The following GABRG3 variants were observed in gnomAD, a reference collection of about 807,000 sequenced individuals.
GABRG3 encodes gamma-aminobutyric acid type A receptor subunit gamma3.
GABRG3 carries 25 observed loss-of-function variants against 48.8 expected under a neutral mutation model. That is an observed-to-expected ratio of 0.51 (90% CI 0.37 to 0.72). GABRG3 has a LOEUF of 0.72. Among genes scored for constraint, GABRG3 ranks in the 30% least tolerant of loss-of-function variants. GABRG3 has a pLI of 0.00. For synonymous variants in GABRG3, 227 were observed against 217.6 expected, an observed-to-expected ratio of 1.04 and a Z score of -0.38; for missense variants, 394 against 577.9, an observed-to-expected ratio of 0.68 and a Z score of 3.26.
intron 6 of GABRG3, among the ~76,000 whole-genome samples, chr15:27,509,313 A>C (rs1890841321): frequency 6.6e-6 from 1 of 150,460 alleles, no homozygotes; most frequent in Non-Finnish European, 1.5e-5. Context: ...TGATATATGT[A>C]GTTGGGGGGT....
At chr15:27,186,878 G>T (rs547577243) in intron 3 of GABRG3, among the ~76,000 whole-genome samples, 1 of 152,054 alleles carries the variant, frequency 6.6e-6, no homozygotes, top group Non-Finnish European at 1.5e-5. Context: ...TAGGTTGTCT[G>T]TTTACTCCCT....
At chr15:27,389,361 C>G (rs1457738476) in intron 5 of GABRG3, among the ~76,000 whole-genome samples, 3 of 152,168 alleles carry the variant, frequency 2.0e-5, no homozygotes, top group Non-Finnish European at 4.4e-5. Flanking sequence ...GTGAACATAA[C>G]TTAATATCCA....
At chr15:27,068,623 G>C (rs961193270) in intron 3 of GABRG3, among the ~76,000 whole-genome samples, 1 of 152,216 alleles carries the variant, frequency 6.6e-6, no homozygotes, top group Non-Finnish European at 1.5e-5. Flanking sequence ...AGTCAATGAA[G>C]GGTGAATTCA....
chr15:27,080,866 A>G (rs1365431657), intron 3 of GABRG3, among the ~76,000 whole-genome samples: 2 of 152,128 alleles, frequency 1.3e-5, no homozygotes, highest in African/African-American at 4.8e-5. Context: ...CTGGGAGGCA[A>G]AAGGCCTTGT....
At chr15:27,006,497 G>A (rs887404672) in intron 2 of GABRG3, among the ~76,000 whole-genome samples, 3 of 152,128 alleles carry the variant, frequency 2.0e-5, no homozygotes, top group East Asian at 1.9e-4. Context: ...CACTGTGCCC[G>A]GCCCTCTTCC....
At chr15:27,470,679 C>G (rs564929730) in intron 5 of GABRG3, among the ~76,000 whole-genome samples, 1 of 152,036 alleles carries the variant, frequency 6.6e-6, no homozygotes, top group South Asian at 2.1e-4. Flanking sequence ...AGTCCTTTTC[C>G]TGTTACATAT....
At chr15:27,105,005 T>C (rs1236158577) in intron 3 of GABRG3, among the ~76,000 whole-genome samples, 2 of 152,094 alleles carry the variant, frequency 1.3e-5, no homozygotes, top group African/African-American at 4.8e-5. Flanking sequence ...ATTAAAAAAT[T>C]TCGATGACTC....
At chr15:27,084,300 A>AT (rs1310802948) in intron 3 of GABRG3, among the ~76,000 whole-genome samples, 1 of 151,938 alleles carries the variant, frequency 6.6e-6, no homozygotes, top group African/African-American at 2.4e-5. Flanking sequence ...CCTCTTTTTC[A>AT]TTTTTGCTTC....
intron 5 of GABRG3, among the ~76,000 whole-genome samples, chr15:27,336,426 C>G (rs1370467732): frequency 6.6e-6 from 1 of 151,934 alleles, no homozygotes; most frequent in East Asian, 1.9e-4. Context: ...AAAAGATGTT[C>G]AATGTCATCA....
intron 3 of GABRG3, among the ~76,000 whole-genome samples, chr15:27,117,542 T>C (rs1040939970): frequency 1.3e-5 from 2 of 152,184 alleles, no homozygotes; most frequent in African/African-American, 2.4e-5. Context: ...AAATAAAATA[T>C]GTTTTCATAT....
intron 3 of GABRG3, among the ~76,000 whole-genome samples, chr15:27,251,122 G>C (rs1243302985): frequency 1.3e-5 from 2 of 152,186 alleles, no homozygotes; most frequent in African/African-American, 4.8e-5. Flanking sequence ...TGACTGGGAA[G>C]GTCAACCTTG....
chr15:27,046,707 T>C (rs1432477322), intron 3 of GABRG3, among the ~76,000 whole-genome samples: 2 of 152,204 alleles, frequency 1.3e-5, no homozygotes, highest in East Asian at 3.9e-4. Flanking sequence ...CCCTTTTGGA[T>C]ATGTGAGGTA....
intron 3 of GABRG3, among the ~76,000 whole-genome samples, chr15:27,313,264 A>ATATATATATATATATATATATATATG: frequency 9.0e-5 from 1 of 11,156 alleles, no homozygotes; most frequent in South Asian, 2.9e-3. Context: ...GTGTGTGTGT[A>ATATATATATATATATATATATATATG]TATATATATA....
intron 3 of GABRG3, among the ~76,000 whole-genome samples, chr15:27,174,556 T>A (rs926797850): frequency 6.6e-6 from 1 of 151,310 alleles, no homozygotes; most frequent in African/African-American, 2.4e-5. Context: ...TTATCTCCAG[T>A]GTGGACCAGT....
chr15:27,456,717 T>C (rs1209086458), intron 5 of GABRG3, among the ~76,000 whole-genome samples: 1 of 152,130 alleles, frequency 6.6e-6, no homozygotes, highest in Non-Finnish European at 1.5e-5. Flanking sequence ...AGGCAGGCTG[T>C]ACTGGGTGAT....
intron 5 of GABRG3, among the ~76,000 whole-genome samples, chr15:27,472,024 T>G (rs1278640667): frequency 1.3e-5 from 2 of 152,214 alleles, no homozygotes; most frequent in African/African-American, 4.8e-5. Context: ...TAATTCATAA[T>G]TAAACTTGGA....
intron 3 of GABRG3, among the ~76,000 whole-genome samples, chr15:27,104,813 T>C (rs543871690): frequency 1.3e-5 from 2 of 152,354 alleles, no homozygotes; most frequent in Admixed American, 1.3e-4. Context: ...TTTCCACTGT[T>C]GTCTATGTGG....
At chr15:27,268,057 A>T (rs1890974860) in intron 3 of GABRG3, among the ~76,000 whole-genome samples, 1 of 152,178 alleles carries the variant, frequency 6.6e-6, no homozygotes. Context: ...GCCTCATATA[A>T]TGAGTTGGGA....
At chr15:27,221,461 A>C (rs1889451201) in intron 3 of GABRG3, among the ~76,000 whole-genome samples, 1 of 152,210 alleles carries the variant, frequency 6.6e-6, no homozygotes, top group Non-Finnish European at 1.5e-5. Context: ...ACCACAAACT[A>C]AACTAAGGTA....
Sources: gnomAD v4.1 joint callset for allele counts (sites outside exome capture counted in the v4.1 genomes callset) on GRCh38, gnomAD v4.1.1 for gene constraint, MANE v1.5 for transcripts, NCBI Gene and HGNC (gene_info 2026-07-23, HGNC 2026-07-21) for gene names.